Variants in SLC27A1 observed in about 807,000 individuals in gnomAD.
SLC27A1 encodes the protein long-chain fatty acid transport protein 1.
SLC27A1 carries 61 observed loss-of-function variants against 62.2 expected under a neutral mutation model. The observed-to-expected ratio is 0.98, with a 90% CI of 0.80 to 1.21. The LOEUF is 1.21. Among genes scored for constraint, SLC27A1 ranks in the 50% most tolerant of loss-of-function variants. SLC27A1 has a pLI of 0.00. For missense variants in SLC27A1, 903 were observed against 932.1 expected, an observed-to-expected ratio of 0.97 and a Z score of 0.41; for synonymous variants, 435 against 408.6, an observed-to-expected ratio of 1.06 and a Z score of -0.78.
intron 1 of SLC27A1, among the ~76,000 whole-genome samples, chr19:17,477,240 C>CTTTTTTTTTTTGTTTTTTTTTTTTT (rs2075132574): frequency 2.3e-5 from 1 of 43,808 alleles, no homozygotes; most frequent in Non-Finnish European, 4.0e-5. Context: ...ATGAGCAGCG[C>CTTTTTTTTTTTGTTTTTTTTTTTTT]TTTTTTTTTT....
At chr19:17,502,311 T>G (rs984500013) in intron 11 of SLC27A1, among the ~76,000 whole-genome samples, 3 of 148,126 alleles carry the variant, frequency 2.0e-5, no homozygotes, top group African/African-American at 7.4e-5. Context: ...TCACTTCCAC[T>G]GCCACTAAGC....
intron 6 of SLC27A1, chr19:17,496,240 C>T (rs1434190345): frequency 3.9e-5 from 6 of 152,240 alleles, no homozygotes; most frequent in Non-Finnish European, 2.9e-5. Context: ...CTTCCCAGCT[C>T]TGTGATCTCG....
Position 17,487,311 on chromosome 19 carries a change from C to T in SLC27A1, c.700C>T (p.Gln234Ter), listed in dbSNP as rs2075245106. ...LKEASTAPLA[Q>*]IPSKGMDDRL... The stretch of plus-strand genomic sequence containing the variant: ...GGAGGCCTCTACTGCCCCCTTGGCA[C>T]AGATCCCCAGCAAGGGCATGGACGG... Residue 234 changes from glutamine (Q) to a stop codon, truncating the protein, a stop_gained, in exon 3 of 12, where the codon CAG (glutamine) becomes TAG (stop). Transcript: ENST00000252595. LOFTEE classifies it high-confidence loss of function. 2.5e-6 allele frequency: 4 copies of T among 1,612,512 alleles called. No homozygotes were observed. The highest frequency in any genetic ancestry group is 3.4e-6 in the Non-Finnish European group (4 of 1,179,460).
intron 1 of SLC27A1, among the ~76,000 whole-genome samples, chr19:17,479,509 T>C (rs560835041): frequency 2.0e-5 from 3 of 152,322 alleles, no homozygotes; most frequent in South Asian, 4.1e-4. Context: ...GCGTTTGGTG[T>C]TTTTCTGATC....
At chr19:17,482,935 C>T (rs549259852) in intron 1 of SLC27A1, among the ~76,000 whole-genome samples, 1 of 151,836 alleles carries the variant, frequency 6.6e-6, no homozygotes, top group South Asian at 2.1e-4. Flanking sequence ...TGCACAGATG[C>T]ACAGATCTCC....
In SLC27A1 at chr19:17,488,873, C is replaced by T. The variant is rs1163550651; in HGVS notation, c.820C>T (p.His274Tyr). Residue 274 changes from histidine (H) to tyrosine (Y), a missense_variant, in exon 5 of 12, where the codon CAC (histidine) becomes TAC (tyrosine). Coordinates refer to ENST00000252595, the MANE Select transcript of SLC27A1 (RefSeq NM_198580.3). The part of the protein sequence containing the change: ...SRYYRMAAFG[H>Y]HAYRMQAADV... ...GTACTACCGCATGGCAGCCTTCGGCCACCACGCCTACCGCATGCAGGCGGC... is the reference window on the plus strand; with the variant it reads ...GTACTACCGCATGGCAGCCTTCGGCTACCACGCCTACCGCATGCAGGCGGC... 2 of 1,613,872 alleles carry T rather than the reference C, an allele frequency of 1.2e-6. No individual in the cohort carries two copies. Among genetic ancestry groups the T allele is most frequent in the Admixed American group, 1.7e-5 (1 of 59,978 alleles).
At chr19:17,502,416 A>T (rs2075427595) in intron 11 of SLC27A1, among the ~76,000 whole-genome samples, 1 of 114,252 alleles carries the variant, frequency 8.8e-6, no homozygotes, top group South Asian at 3.2e-4. Flanking sequence ...CAGTGGCGTG[A>T]TCTTGGCTCA....
At chr19:17,500,019 A>C (rs1199017809) in intron 7 of SLC27A1, 1 of 533,054 alleles carries the variant, frequency 1.9e-6, no homozygotes, top group Admixed American at 3.6e-5. Context: ...TCCTGCCAGC[A>C]TGGAGGGTTT....
At chr19:17,480,727 T>A (rs889203764) in intron 1 of SLC27A1, among the ~76,000 whole-genome samples, 1 of 151,866 alleles carries the variant, frequency 6.6e-6, no homozygotes, top group Admixed American at 6.6e-5. Flanking sequence ...CGTGCTGGTT[T>A]GTTGCATTGG....
At position 17,500,829 on chromosome 19, in the gene SLC27A1, G is replaced by T. The variant is rs200816692; in HGVS notation, c.1589G>T (p.Arg530Leu). The change falls in exon 10 of 12, where the codon CGC becomes CTC. Residue 530 changes from arginine to leucine, a missense_variant. By Grantham distance (102) the Arg-to-Leu change is moderately radical. Coordinates refer to ENST00000252595, the MANE Select transcript of SLC27A1 (RefSeq NM_198580.3). ...ACCGAGGTGGAGGGCGTGCTGAGCCGCCTGCTGGGCCAGACAGACGTGGCC... is the reference window on the plus strand; with the variant it reads ...ACCGAGGTGGAGGGCGTGCTGAGCCTCCTGCTGGGCCAGACAGACGTGGCC... Reference protein sequence around the residue: ...STTEVEGVLSRLLGQTDVAVY... With the variant: ...STTEVEGVLSLLLGQTDVAVY... 2 of 1,610,584 alleles carry T rather than the reference G, an allele frequency of 1.2e-6. No homozygotes were observed. Among genetic ancestry groups the T allele is most frequent in the Non-Finnish European group, 1.7e-6 (2 of 1,179,026 alleles).
chr19:17,497,201 G>T, intron 6 of SLC27A1, 54 bp from the exon 7 acceptor site: 1 of 1,483,730 alleles, frequency 6.7e-7, no homozygotes, highest in Non-Finnish European at 9.1e-7. Context: ...CCTCTGATCC[G>T]GGCTCCCCAC....
At chr19:17,479,248 A>G (rs1017441190) in intron 1 of SLC27A1, among the ~76,000 whole-genome samples, 11 of 152,340 alleles carry the variant, frequency 7.2e-5, no homozygotes, top group Middle Eastern at 6.8e-3. Context: ...TCTACAAAAA[A>G]ATAAAACAAA....
intron 7 of SLC27A1, 133 bp from the exon 8 acceptor site, chr19:17,500,145 T>TCAGC (rs371569723): frequency 7.0e-7 from 1 of 1,418,970 alleles, no homozygotes. Flanking sequence ...CTTTTGCAGA[T>TCAGC]CAGCCAAGGT....
At chr19:17,487,998 T>G (rs1225739002) in intron 4 of SLC27A1, among the ~76,000 whole-genome samples, 1 of 152,032 alleles carries the variant, frequency 6.6e-6, no homozygotes, top group African/African-American at 2.4e-5. Context: ...TACAGGAGGT[T>G]TGAAAATCCT....
chr19:17,483,434 G>A (rs1307613550), intron 1 of SLC27A1, among the ~76,000 whole-genome samples: 1 of 152,078 alleles, frequency 6.6e-6, no homozygotes, highest in African/African-American at 2.4e-5. Flanking sequence ...TGTGGGGGCT[G>A]TGCTCAGCTC....
intron 11 of SLC27A1, among the ~76,000 whole-genome samples, chr19:17,503,138 G>A (rs1257835507): frequency 1.3e-5 from 2 of 152,090 alleles, no homozygotes; most frequent in South Asian, 2.1e-4. Flanking sequence ...AGAACAGCAC[G>A]GGAAAGACCC....
intron 1 of SLC27A1, among the ~76,000 whole-genome samples, chr19:17,478,337 G>A (rs2075144068): frequency 6.6e-6 from 1 of 150,430 alleles, no homozygotes; most frequent in Admixed American, 6.7e-5. Flanking sequence ...TGTGGTGGCA[G>A]GCACCTGTGG....
intron 1 of SLC27A1, among the ~76,000 whole-genome samples, chr19:17,477,129 T>C (rs142001353): frequency 0.027 from 4,062 of 151,834 alleles, 184 homozygotes; most frequent in African/African-American, 0.094. Context: ...CCTCAAGTGA[T>C]CCACCCACCT....
intron 1 of SLC27A1, among the ~76,000 whole-genome samples, chr19:17,473,175 A>G (rs571229162): frequency 2.2e-4 from 34 of 151,836 alleles, no homozygotes; most frequent in Non-Finnish European, 4.3e-4. Context: ...TCCAGCGATC[A>G]CCCAATTTCA....
Sources: allele counts gnomAD v4.1 joint callset (sites outside exome capture counted in the v4.1 genomes callset), GRCh38; gene constraint gnomAD v4.1.1; transcripts MANE v1.5; gene names NCBI Gene and HGNC (gene_info 2026-07-23, HGNC 2026-07-21).